The following ZNF670 variants were observed in gnomAD, a reference collection of about 807,000 sequenced individuals.
ZNF670 encodes the protein zinc finger protein 670.
A neutral mutation model predicts 10.9 loss-of-function variants in ZNF670; 7 were observed. That is an observed-to-expected ratio of 0.64 (90% confidence interval 0.36 to 1.20). The LOEUF is 1.20. Ranked by LOEUF, ZNF670 falls within the 50% of genes most tolerant of loss-of-function variation. The pLI, the probability that ZNF670 is intolerant of heterozygous loss-of-function variation, is 0.02. For missense variants in ZNF670, 446 were observed against 458.6 expected, an observed-to-expected ratio of 0.97 and a Z score of 0.25; for synonymous variants, 136 against 152.7, an observed-to-expected ratio of 0.89 and a Z score of 0.81.
chr1:247,044,428 C>T (rs1452260783), intron 1 of ZNF670, among the ~76,000 whole-genome samples: 2 of 152,162 alleles, frequency 1.3e-5, no homozygotes, highest in Middle Eastern at 3.2e-3. Context: ...ACAGAACTAC[C>T]TTTTGACCCA....
intron 1 of ZNF670, among the ~76,000 whole-genome samples, chr1:247,064,517 C>T (rs57498207): frequency 0.1 from 15,292 of 152,244 alleles, 963 homozygotes; most frequent in Non-Finnish European, 0.13. Context: ...TGCATTGAAG[C>T]AGAACTTCGT....
intron 1 of ZNF670, among the ~76,000 whole-genome samples, chr1:247,068,957 T>C (rs959224520): frequency 6.7e-6 from 1 of 150,348 alleles, no homozygotes; most frequent in African/African-American, 2.5e-5. Flanking sequence ...TTCTCACTTA[T>C]CTGTGGGATA....
Position 247,037,459 on chromosome 1 carries a change from T to A in ZNF670, c.1160A>T (p.Tyr387Phe), listed in dbSNP as rs1335236371. The A allele has an allele frequency of 1.2e-6, 2 of 1,607,192 alleles. No homozygotes were observed. The highest frequency in any genetic ancestry group is 1.7e-6 in the Non-Finnish European group (2 of 1,177,634). Residue 387 changes from tyrosine to phenylalanine, a missense_variant, in exon 4 of 4, where the codon TAT (tyrosine) becomes TTT (phenylalanine). By Grantham distance (22) the Tyr-to-Phe change is conservative (BLOSUM62 3). Transcript: ENST00000366503. Reference protein sequence around the residue: ...SSSLRKHERAYMW With the variant: ...SSSLRKHERAFMW The stretch of plus-strand genomic sequence containing the variant: ...TGTTGTTGTTGTTTTTTACCACATA[T>A]AAGCTCTTTCATGCTTTCGAAGGGA...
At chr1:247,075,484 C>T (rs908745155) in intron 1 of ZNF670, among the ~76,000 whole-genome samples, 1 of 152,202 alleles carries the variant, frequency 6.6e-6, no homozygotes, top group African/African-American at 2.4e-5. Context: ...CAAATCTCAT[C>T]TTGAATTGTA....
At chr1:247,047,715 A>G (rs1670485607) in intron 1 of ZNF670, among the ~76,000 whole-genome samples, 1 of 152,194 alleles carries the variant, frequency 6.6e-6, no homozygotes, top group South Asian at 2.1e-4. Context: ...CCAAACCTTA[A>G]TTCTTAAAGT....
intron 1 of ZNF670, among the ~76,000 whole-genome samples, chr1:247,044,602 T>C (rs1670395741): frequency 6.6e-6 from 1 of 152,184 alleles, no homozygotes; most frequent in Admixed American, 6.5e-5. Flanking sequence ...GTGGTACATA[T>C]ACACCATGGA....
intron 1 of ZNF670, among the ~76,000 whole-genome samples, chr1:247,040,513 C>CAA (rs534170443): frequency 6.8e-6 from 1 of 146,748 alleles, no homozygotes; most frequent in Non-Finnish European, 1.5e-5. Context: ...CCAAACCTAA[C>CAA]AAAAAAAAAA....
intron 1 of ZNF670, among the ~76,000 whole-genome samples, chr1:247,073,810 C>T (rs1290349597): frequency 6.6e-6 from 1 of 152,214 alleles, no homozygotes; most frequent in Non-Finnish European, 1.5e-5. Flanking sequence ...GCCCATCTAT[C>T]CTTCTGACCA....
intron 1 of ZNF670, among the ~76,000 whole-genome samples, chr1:247,044,917 C>G (rs755418317): frequency 6.6e-6 from 1 of 151,708 alleles, no homozygotes; most frequent in Non-Finnish European, 1.5e-5. Context: ...GAAATTTACT[C>G]ATGTAACAAA....
chr1:247,070,769 A>G (rs1279451008), intron 1 of ZNF670, among the ~76,000 whole-genome samples: 2 of 152,200 alleles, frequency 1.3e-5, no homozygotes, highest in Admixed American at 6.5e-5. Flanking sequence ...TCTATAAGAA[A>G]CTTGAACTAA....
chr1:247,043,139 T>G, intron 1 of ZNF670: 1 of 900,922 alleles, frequency 1.1e-6, no homozygotes, highest in East Asian at 2.9e-5. Flanking sequence ...GACATGACAA[T>G]GTGAGGAGAT....
rs770006873 is a variant in ZNF670, at chr1:247,037,708, C to T, written c.911G>A (p.Ser304Asn). ...RVLRVHERTH[S>N]GEKPYECKQC... ...TTTACATTCATAGGGCTTTTCTCCA[C>T]TGTGAGTCCTTTCATGGACTCTGAG... The change falls in exon 4 of 4, where the codon AGT (serine) becomes AAT (asparagine). Residue 304 changes from serine to asparagine, a missense_variant. Physicochemically the swap from Ser to Asn is conservative, Grantham distance 46. Coordinates refer to ENST00000366503, the MANE Select transcript of ZNF670 (RefSeq NM_033213.5). The T allele has an allele frequency of 2.5e-6, 4 of 1,613,896 alleles. No individual in the cohort carries two copies. The East Asian group carries it at 8.9e-5, about 36-fold the overall frequency.
chr1:247,061,775 A>G (rs1255210569), intron 1 of ZNF670, among the ~76,000 whole-genome samples: 2 of 152,240 alleles, frequency 1.3e-5, no homozygotes, highest in East Asian at 1.9e-4. Context: ...GATATTGTAG[A>G]GAACACTGTC....
intron 1 of ZNF670, 36 bp from the exon 2 acceptor site, chr1:247,039,573 T>G: frequency 5.3e-6 from 8 of 1,520,758 alleles, no homozygotes; most frequent in Non-Finnish European, 7.0e-6. Context: ...GGAGGATGGC[T>G]TAGACAGACA....
intron 1 of ZNF670, among the ~76,000 whole-genome samples, chr1:247,072,843 T>TACACACACACACACACAC (rs1553323588): frequency 1.2e-5 from 1 of 85,812 alleles, no homozygotes; most frequent in African/African-American, 4.9e-5. Context: ...TATATATGCA[T>TACACACACACACACACAC]ACACACACAT....
At chr1:247,076,996 T>C (rs1458079891) in intron 1 of ZNF670, among the ~76,000 whole-genome samples, 1 of 152,262 alleles carries the variant, frequency 6.6e-6, no homozygotes, top group Non-Finnish European at 1.5e-5. Flanking sequence ...GATGGTGCTT[T>C]TCTGGTTCTT....
At position 247,078,702 on chromosome 1, in the gene ZNF670, G is replaced by C. The variant is rs184519274; in HGVS notation, c.-106C>G. ...GACCACTTGGACCTCCCAGGGATAA[G>C]GGGAAGGAGCAGCGGAGACGCACCG... On this transcript the variant is annotated 5_prime_UTR_variant, in exon 1 of 4. Coordinates refer to ENST00000366503, the MANE Select transcript of ZNF670 (RefSeq NM_033213.5). The C allele has an allele frequency of 2.3e-6, 3 of 1,304,864 alleles. No individual in the cohort carries two copies. The highest frequency in any genetic ancestry group is 2.4e-5 in the East Asian group (1 of 42,112). 80.8% of individuals were successfully genotyped at this position (1,304,864 alleles called of 1,614,324 possible).
chr1:247,041,487 A>G (rs1670309637), intron 1 of ZNF670, among the ~76,000 whole-genome samples: 1 of 152,194 alleles, frequency 6.6e-6, no homozygotes, highest in Non-Finnish European at 1.5e-5. Context: ...GGTATATGAC[A>G]TTTGAAATTG....
At chr1:247,042,126 T>G (rs1670324926) in intron 1 of ZNF670, among the ~76,000 whole-genome samples, 1 of 152,228 alleles carries the variant, frequency 6.6e-6, no homozygotes, top group African/African-American at 2.4e-5. Flanking sequence ...ACTTAAAAAT[T>G]AATTAAAATG....
Sources: gnomAD v4.1 joint callset for allele counts (sites outside exome capture counted in the v4.1 genomes callset) on GRCh38, gnomAD v4.1.1 for gene constraint, MANE v1.5 for transcripts, NCBI Gene and HGNC (gene_info 2026-07-23, HGNC 2026-07-21) for gene names.